SLC8A3: variants seen among roughly 807,000 people sequenced by gnomAD.
SLC8A3 encodes the protein sodium/calcium exchanger 3.
Under a neutral mutation model 65.4 loss-of-function variants are expected in SLC8A3, and 37 were observed. The observed-to-expected ratio is 0.57, with a 90% CI of 0.44 to 0.74. SLC8A3 has a LOEUF of 0.74. SLC8A3 is among the 30% of genes least tolerant of loss of function. SLC8A3 has a pLI of 0.00. For synonymous variants in SLC8A3, 461 were observed against 444.5 expected (o/e 1.04, Z -0.47); for missense variants, 1,112 against 1,172.1 (o/e 0.95, Z 0.75).
intron 2 of SLC8A3, among the ~76,000 whole-genome samples, chr14:70,080,899 C>T (rs1164306121): frequency 6.6e-6 from 1 of 152,144 alleles, no homozygotes; most frequent in African/African-American, 2.4e-5. Context: ...GTGGGATTAT[C>T]TTTACATGAG....
At chr14:70,146,306 C>T (rs745810854) in intron 2 of SLC8A3, among the ~76,000 whole-genome samples, 2 of 152,122 alleles carry the variant, frequency 1.3e-5, no homozygotes, top group African/African-American at 2.4e-5. Flanking sequence ...TGCAATGAGG[C>T]TAATGGGGGG....
At chr14:70,148,896 G>T (rs576686456) in intron 2 of SLC8A3, among the ~76,000 whole-genome samples, 1 of 152,262 alleles carries the variant, frequency 6.6e-6, no homozygotes, top group South Asian at 2.1e-4. Flanking sequence ...ACAAGTAGGT[G>T]TGTAGAGCCG....
intron 2 of SLC8A3, among the ~76,000 whole-genome samples, chr14:70,149,857 G>C (rs1896154303): frequency 6.6e-6 from 1 of 152,122 alleles, no homozygotes; most frequent in South Asian, 2.1e-4. Context: ...TCGGGATGCA[G>C]AGGAGTCAAC....
At chr14:70,187,824 G>A (rs941514207) in intron 1 of SLC8A3, among the ~76,000 whole-genome samples, 1 of 152,076 alleles carries the variant, frequency 6.6e-6, no homozygotes, top group African/African-American at 2.4e-5. Flanking sequence ...CCCGACCCGC[G>A]GCGGTGGAGT....
At chr14:70,109,327 C>T (rs8021698) in intron 2 of SLC8A3, among the ~76,000 whole-genome samples, 102,746 of 148,038 alleles carry the variant, frequency 0.69, 36,207 homozygotes, top group African/African-American at 0.82. Context: ...TATATATATA[C>T]ACACACACAT....
At chr14:70,133,725 T>C (rs1447473486) in intron 2 of SLC8A3, among the ~76,000 whole-genome samples, 1 of 152,120 alleles carries the variant, frequency 6.6e-6, no homozygotes, top group Non-Finnish European at 1.5e-5. Flanking sequence ...GAGACTCTGA[T>C]GAAAACCCAG....
At chr14:70,096,945 A>G (rs1892220749) in intron 2 of SLC8A3, among the ~76,000 whole-genome samples, 1 of 152,238 alleles carries the variant, frequency 6.6e-6, no homozygotes, top group South Asian at 2.1e-4. Context: ...GTGAGTAAAA[A>G]GGGGACCAAC....
chr14:70,062,981 A>G (rs778335022), intron 2 of SLC8A3, among the ~76,000 whole-genome samples: 2 of 152,172 alleles, frequency 1.3e-5, no homozygotes, highest in African/African-American at 2.4e-5. Flanking sequence ...TGATCTATTC[A>G]GGAAAGGACT....
intron 1 of SLC8A3, among the ~76,000 whole-genome samples, chr14:70,185,255 C>A (rs566737812): frequency 6.6e-6 from 1 of 152,336 alleles, no homozygotes; most frequent in East Asian, 1.9e-4. Context: ...GCGTGAGCCA[C>A]CACGCCCATC....
intron 3 of SLC8A3, among the ~76,000 whole-genome samples, chr14:70,056,023 G>T (rs1888075400): frequency 6.6e-6 from 1 of 152,200 alleles, no homozygotes; most frequent in Non-Finnish European, 1.5e-5. Context: ...CGGAGAGGCT[G>T]CTGAGCACCA....
Position 70,168,060 on chromosome 14 carries a change from G to T in SLC8A3, c.363C>A (p.Thr121=), listed in dbSNP as rs1897285753. The change falls in exon 2 of 7, where the codon ACC becomes ACA. Residue 121 remains threonine, a synonymous_variant. Coordinates refer to ENST00000356921, the MANE Select transcript of SLC8A3 (RefSeq NM_182932.3). ...EVTIKKPNGE[T]STTTIRVWNE... is the part of the protein sequence containing the mutation. ...TCCAGACCCGAATAGTGGTTGTGCT[G>T]GTTTCTCCATTGGGTTTCTTAATTG... The T allele has an allele frequency of 6.2e-7, 1 of 1,614,116 alleles. No individual in the cohort carries two copies. Among genetic ancestry groups the T allele is most frequent in the South Asian group, 1.1e-5 (1 of 91,062 alleles).
chr14:70,071,802 G>A (rs1246573049), intron 2 of SLC8A3, among the ~76,000 whole-genome samples: 2 of 152,174 alleles, frequency 1.3e-5, no homozygotes, highest in East Asian at 3.9e-4. Context: ...CAACTAATAT[G>A]GAAGGCTTAT....
At chr14:70,090,121 G>C (rs1341086892) in intron 2 of SLC8A3, among the ~76,000 whole-genome samples, 1 of 151,664 alleles carries the variant, frequency 6.6e-6, no homozygotes, top group Non-Finnish European at 1.5e-5. Flanking sequence ...TTTGTTTGCT[G>C]TTTTTATGCA....
chr14:70,101,035 C>T (rs951535887), intron 2 of SLC8A3, among the ~76,000 whole-genome samples: 67 of 152,184 alleles, frequency 4.4e-4, no homozygotes, highest in Non-Finnish European at 6.5e-4. Context: ...AATGAGTAGA[C>T]GATCTAAAAG....
chr14:70,172,821 G>T (rs1375516483), intron 1 of SLC8A3, among the ~76,000 whole-genome samples: 2 of 152,180 alleles, frequency 1.3e-5, no homozygotes, highest in Non-Finnish European at 2.9e-5. Context: ...AGGGCACTGA[G>T]CCAGCCTGGG....
At chr14:70,092,038 A>G (rs915659787) in intron 2 of SLC8A3, among the ~76,000 whole-genome samples, 1 of 151,948 alleles carries the variant, frequency 6.6e-6, no homozygotes, top group Admixed American at 6.6e-5. Flanking sequence ...TTTTTCTTTG[A>G]TTCTATTCTA....
intron 2 of SLC8A3, among the ~76,000 whole-genome samples, chr14:70,109,241 C>T (rs1483541460): frequency 7.1e-6 from 1 of 140,616 alleles, no homozygotes; most frequent in African/African-American, 2.7e-5. Context: ...ATGTGCTGAA[C>T]ATGCAGGTTT....
At position 70,044,797 on chromosome 14, in the gene SLC8A3, A is replaced by G. The variant is rs1221450014; in HGVS notation, c.*1150T>C. 6.6e-6 allele frequency: 1 copy of G among 152,262 alleles called. No individual in the cohort carries two copies. The allele number at this position is 152,262 out of a possible 1,614,324, so 9.4% of individuals were successfully genotyped here. A position where few individuals can be genotyped will look rare whatever the true frequency, so the allele number is the denominator to read the frequency against. On this transcript the variant is annotated 3_prime_UTR_variant, in exon 7 of 7. Transcript: ENST00000356921. ...AAGTTTTTACACCACTTCAAGAAAT[A>G]TAGTCAGCCCTCTTTGTATAGAGCA...
chr14:70,123,141 A>G (rs1339232269), intron 2 of SLC8A3, among the ~76,000 whole-genome samples: 4 of 150,388 alleles, frequency 2.7e-5, no homozygotes, highest in Admixed American at 6.6e-5. Flanking sequence ...GCTACTCAGG[A>G]GGCTGAGGCA....
Sources: allele counts gnomAD v4.1 joint callset (sites outside exome capture counted in the v4.1 genomes callset), GRCh38; gene constraint gnomAD v4.1.1; transcripts MANE v1.5; gene names NCBI Gene and HGNC (gene_info 2026-07-23, HGNC 2026-07-21).